The following USP33 variants were observed in gnomAD, a reference collection of about 807,000 sequenced individuals.
USP33 encodes ubiquitin specific peptidase 33.
Under a neutral mutation model 124.2 loss-of-function variants are expected in USP33, and 46 were observed. That is an observed-to-expected ratio of 0.37 (90% CI 0.29 to 0.47). The LOEUF (loss-of-function observed/expected upper bound fraction) is 0.47. Ranked by LOEUF, USP33 falls within the 20% of genes least tolerant of loss-of-function variation. The pLI is 0.99. For missense variants in USP33, 851 were observed against 1,070.6 expected (o/e 0.79, Z 2.86); for synonymous variants, 350 against 352.3 (o/e 0.99, Z 0.07).
intron 11 of USP33, among the ~76,000 whole-genome samples, chr1:77,724,929 C>G (rs1206999878): frequency 6.6e-6 from 1 of 152,050 alleles, no homozygotes; most frequent in Non-Finnish European, 1.5e-5. Flanking sequence ...GTAGTCCCAG[C>G]TACTCGGGAG....
intron 9 of USP33, among the ~76,000 whole-genome samples, chr1:77,729,055 A>G (rs954679032): frequency 7.9e-5 from 12 of 152,054 alleles, no homozygotes; most frequent in Non-Finnish European, 1.6e-4. Flanking sequence ...ACGTGCCACC[A>G]CACCTGGTTG....
intron 6 of USP33, among the ~76,000 whole-genome samples, chr1:77,734,992 G>C (rs550490491): frequency 6.6e-6 from 1 of 151,952 alleles, no homozygotes; most frequent in Admixed American, 6.6e-5. Flanking sequence ...GCATGGTGGC[G>C]GGTGCCTGTA....
intron 5 of USP33, 141 bp downstream of exon 5, chr1:77,739,122 ATT>A: frequency 1.0e-6 from 1 of 952,666 alleles, no homozygotes; most frequent in Non-Finnish European, 1.5e-6. Context: ...TGAGTGCTTT[ATT>A]TGAGAGAAAA....
rs1301360158 is a variant in USP33 at position 77,725,531 on chromosome 1, C to A, written c.1276+91G>T. On this transcript the variant is annotated intron_variant, in intron 11 of 23. Coordinates refer to ENST00000370794, the MANE Select transcript of USP33 (RefSeq NM_201624.3). The stretch of plus-strand genomic sequence containing the variant: ...AATTTTAAAAGATCAAATCATATTT[C>A]ATAATTAACACTTTAAATTATCAAG... The A allele has an allele frequency of 4.1e-6, 6 of 1,449,152 alleles. No homozygotes were observed. The Admixed American group carries it at 9.2e-5, about 22-fold the overall frequency. 89.8% of individuals were successfully genotyped at this position (1,449,152 alleles called of 1,614,324 possible).
chr1:77,715,689 A>T, intron 18 of USP33, 53 bp downstream of exon 18: 1 of 1,587,560 alleles, frequency 6.3e-7, no homozygotes, highest in South Asian at 1.2e-5. Flanking sequence ...GAAGTCACTG[A>T]TAAGCCCAAA....
chr1:77,700,140 C>T (rs555798470), intron 22 of USP33, among the ~76,000 whole-genome samples: 111 of 152,186 alleles, frequency 7.3e-4, no homozygotes, highest in Non-Finnish European at 1.2e-3. Context: ...AGCAAATCGC[C>T]ATGGCACATG....
intron 1 of USP33, among the ~76,000 whole-genome samples, chr1:77,747,240 C>CTTT (rs752560478): frequency 3.9e-5 from 4 of 103,830 alleles, no homozygotes; most frequent in South Asian, 3.2e-4. Flanking sequence ...GGCTTCTGGG[C>CTTT]TTTTTTTTTT....
At chr1:77,725,270 G>T (rs1253527536) in intron 11 of USP33, among the ~76,000 whole-genome samples, 1 of 152,180 alleles carries the variant, frequency 6.6e-6, no homozygotes, top group East Asian at 1.9e-4. Context: ...AAGGGTGCCA[G>T]AACATAGGAA....
chr1:77,734,181 G>T (rs1030829422), intron 7 of USP33, among the ~76,000 whole-genome samples, 166 bp downstream of exon 7: 1 of 152,100 alleles, frequency 6.6e-6, no homozygotes, highest in Admixed American at 6.5e-5. Flanking sequence ...AAGAAACTAC[G>T]GGTATACATA....
intron 4 of USP33, among the ~76,000 whole-genome samples, chr1:77,740,010 G>A (rs947545872): frequency 1.3e-5 from 2 of 152,206 alleles, no homozygotes; most frequent in Non-Finnish European, 2.9e-5. Flanking sequence ...TGGGTATTCA[G>A]GCTTAATTAA....
At chr1:77,758,679 C>T (rs1191000036) in intron 1 of USP33, among the ~76,000 whole-genome samples, 4 of 152,114 alleles carry the variant, frequency 2.6e-5, no homozygotes, top group Non-Finnish European at 5.9e-5. Flanking sequence ...CTTGGTCAGA[C>T]CTTTCCAAAT....
At chr1:77,708,365 A>G (rs993108805) in intron 21 of USP33, among the ~76,000 whole-genome samples, 4 of 152,230 alleles carry the variant, frequency 2.6e-5, no homozygotes, top group Non-Finnish European at 4.4e-5. Context: ...CACAGATAGC[A>G]TAAGTAGGGT....
At chr1:77,736,994 C>CA (rs1349095361) in intron 5 of USP33, among the ~76,000 whole-genome samples, 3 of 151,612 alleles carry the variant, frequency 2.0e-5, no homozygotes, top group African/African-American at 7.3e-5. Flanking sequence ...TGGCTTGACT[C>CA]AGAGGTTGCA....
chr1:77,741,717 T>C lies in USP33; in HGVS notation c.-20A>G. 1 of 1,604,700 alleles carries C rather than the reference T, an allele frequency of 6.2e-7. No individual in the cohort carries two copies. The highest frequency in any genetic ancestry group is 8.5e-7 in the Non-Finnish European group (1 of 1,176,466). On this transcript the variant is annotated 5_prime_UTR_variant, in exon 2 of 24. Transcript: ENST00000370794. ...TGACATTTTGTTAGGAATTTTTTCC[T>C]GTTTCCCAAGACTTTCAAAATGAGG...
chr1:77,723,264 A>G, intron 12 of USP33, 67 bp downstream of exon 12: 1 of 1,167,412 alleles, frequency 8.6e-7, no homozygotes, highest in Non-Finnish European at 1.3e-6. Flanking sequence ...TTTTCACATC[A>G]TCTTGTCACA....
At chr1:77,733,220 C>T (rs1178853630) in intron 7 of USP33, among the ~76,000 whole-genome samples, 4 of 151,818 alleles carry the variant, frequency 2.6e-5, no homozygotes, top group African/African-American at 9.7e-5. Flanking sequence ...AAGGTGAAAC[C>T]CCATCTCTAC....
At chr1:77,748,607 T>C (rs1679967008) in intron 1 of USP33, among the ~76,000 whole-genome samples, 1 of 150,486 alleles carries the variant, frequency 6.6e-6, no homozygotes, top group Non-Finnish European at 1.5e-5. Context: ...AGGCAGAGGC[T>C]GCAGTGAGCC....
chr1:77,729,601 G>A (rs1174907619), intron 9 of USP33, among the ~76,000 whole-genome samples: 1 of 152,066 alleles, frequency 6.6e-6, no homozygotes, highest in Non-Finnish European at 1.5e-5. Context: ...AATTCGGGAG[G>A]TGGAGGTTGC....
At chr1:77,699,827 T>G (rs924268484) in intron 22 of USP33, among the ~76,000 whole-genome samples, 14 of 152,062 alleles carry the variant, frequency 9.2e-5, no homozygotes, top group African/African-American at 3.4e-4. Flanking sequence ...ATAAAGAAAA[T>G]GTGGTAAATA....
Sources: allele counts gnomAD v4.1 joint callset (sites outside exome capture counted in the v4.1 genomes callset), GRCh38; gene constraint gnomAD v4.1.1; transcripts MANE v1.5; gene names NCBI Gene and HGNC (gene_info 2026-07-23, HGNC 2026-07-21).